TUSC3: variants seen among roughly 807,000 people sequenced by gnomAD.
The protein encoded by TUSC3 is tumor suppressor candidate 3.
Under a neutral mutation model 44.8 loss-of-function variants are expected in TUSC3, and 45 were observed. The ratio of observed to expected loss-of-function variants is 1.00; its 90% CI spans 0.79 to 1.29. TUSC3 has a LOEUF of 1.29. Ranked by LOEUF, TUSC3 falls within the 50% of genes most tolerant of loss-of-function variation. TUSC3 has a pLI of 0.00. For synonymous variants in TUSC3, 212 were observed against 152.9 expected (o/e 1.39, Z -2.85); for missense variants, 519 against 437.9 (o/e 1.19, Z -1.65).
At chr8:15,789,761 G>T in the TUSC3 span, among the ~76,000 whole-genome samples, 2 of 152,102 alleles carry the variant, frequency 1.3e-5, no homozygotes, top group African/African-American at 4.8e-5. Flanking sequence ...TAAGAAACAG[G>T]ACAGATATAG....
Position 15,764,797 on chromosome 8 carries a change from T to C in TUSC3, c.*641T>C, listed in dbSNP as rs1276878908. Reference sequence around the variant, plus strand: ...TCTTGAGATCTAAATCTAAAGTAAATGTGCATTAAAGCAGTGTGCTTCAAA... The same window carrying C: ...TCTTGAGATCTAAATCTAAAGTAAACGTGCATTAAAGCAGTGTGCTTCAAA... On this transcript the variant is annotated 3_prime_UTR_variant, in exon 11 of 11. Transcript: ENST00000503731. The C allele has an allele frequency of 6.6e-6, 1 of 152,520 alleles. No homozygotes were observed. Among genetic ancestry groups the C allele is most frequent in the Non-Finnish European group, 1.5e-5 (1 of 68,316 alleles). The allele number at this position is 152,520 out of a possible 1,614,324, so 9.4% of individuals were successfully genotyped here. A position where few individuals can be genotyped will look rare whatever the true frequency, so the allele number is the denominator to read the frequency against.
the TUSC3 span, among the ~76,000 whole-genome samples, chr8:15,848,669 T>G: frequency 6.6e-6 from 1 of 152,200 alleles, no homozygotes; most frequent in African/African-American, 2.4e-5. Flanking sequence ...CACTGTCCAG[T>G]GACAGTCAAC....
chr8:15,464,670 T>C lies in TUSC3; in HGVS notation n.92-18716T>C, dbSNP rs529453959. Among the ~76,000 whole-genome samples, 23 of 152,338 alleles carry C rather than the reference T, an allele frequency of 1.5e-4. 1 individual carries two copies. The highest frequency in any genetic ancestry group is 5.3e-4 in the African/African-American group (22 of 41,578). On this transcript the variant is annotated intron_variant and non_coding_transcript_variant, in intron 1 of 5. Transcript: ENST00000503191. Reference sequence around the variant, plus strand: ...TTTTTCAGTTGGAGATATGGGACTTTAATTTTTAACCAAAATGTATGATAC... The same window carrying C: ...TTTTTCAGTTGGAGATATGGGACTTCAATTTTTAACCAAAATGTATGATAC...
chr8:15,850,135 G>A, the TUSC3 span, among the ~76,000 whole-genome samples: 36 of 140,406 alleles, frequency 2.6e-4, no homozygotes, highest in Middle Eastern at 3.7e-3. Flanking sequence ...GCCATAGCTT[G>A]TTTTTCAAAC....
chr8:15,622,994 AAAT>A (rs1805320469), intron 1 of TUSC3, 83 bp from the exon 2 acceptor site: 1 of 1,376,974 alleles, frequency 7.3e-7, no homozygotes, highest in African/African-American at 1.5e-5. Context: ...AGGAAAAAGA[AAAT>A]AAAACATTTT....
At chr8:15,836,360 C>T in the TUSC3 span, among the ~76,000 whole-genome samples, 1 of 151,344 alleles carries the variant, frequency 6.6e-6, no homozygotes, top group African/African-American at 2.4e-5. Context: ...TGCCTGTAAT[C>T]CCAGCTACTC....
At chr8:15,716,462 A>G (rs1810063875) in intron 6 of TUSC3, among the ~76,000 whole-genome samples, 1 of 152,104 alleles carries the variant, frequency 6.6e-6, no homozygotes, top group Non-Finnish European at 1.5e-5. Flanking sequence ...ATAAAGAAAA[A>G]GAGTTGTGAA....
At chr8:15,809,107 G>T in the TUSC3 span, among the ~76,000 whole-genome samples, 1 of 152,052 alleles carries the variant, frequency 6.6e-6, no homozygotes, top group African/African-American at 2.4e-5. Context: ...TCATGCTAAA[G>T]TACCATCTTA....
chr8:15,608,127 T>C (rs12334704), intron 1 of TUSC3, among the ~76,000 whole-genome samples: 3,172 of 152,262 alleles, frequency 0.021, 105 homozygotes, highest in African/African-American at 0.071. Context: ...CACATTTGGC[T>C]TTTACCATAG....
intron 1 of TUSC3, among the ~76,000 whole-genome samples, chr8:15,437,600 A>G (rs1369417151): frequency 6.6e-6 from 1 of 152,242 alleles, no homozygotes; most frequent in Non-Finnish European, 1.5e-5. Flanking sequence ...TAAGACAATC[A>G]TCTCCTATTA....
intron 2 of TUSC3, among the ~76,000 whole-genome samples, chr8:15,500,990 G>T (rs58764211): frequency 9.2e-5 from 14 of 151,944 alleles, no homozygotes; most frequent in Non-Finnish European, 1.5e-4. Context: ...AACTCTTTCT[G>T]TATAGCTATA....
rs748401651 is a variant in TUSC3 at position 15,748,438 on chromosome 8, G to A, written c.1001G>A (p.Arg334His). 1.9e-6 allele frequency: 3 copies of A among 1,613,066 alleles called. No homozygotes were observed. The highest frequency in any genetic ancestry group is 2.5e-6 in the Non-Finnish European group (3 of 1,179,334). The part of the protein sequence containing the change: ...FFFSFLLSIF[R>H]SKYHGYPYSD... The stretch of plus-strand genomic sequence containing the variant: ...TTCAGTTTTCTACTTTCAATATTTC[G>A]TTCCAAGTACCACGGCTATCCTTAT... Residue 334 changes from arginine to histidine, a missense_variant, in exon 9 of 11, where the codon CGT (arginine) becomes CAT (histidine). By Grantham distance (29) the Arg-to-His change is conservative (BLOSUM62 0). Coordinates refer to ENST00000503731, the MANE Select transcript of TUSC3 (RefSeq NM_006765.4).
At chr8:15,636,140 G>A (rs1015875471) in intron 2 of TUSC3, among the ~76,000 whole-genome samples, 12 of 152,062 alleles carry the variant, frequency 7.9e-5, no homozygotes, top group Non-Finnish European at 1.8e-4. Context: ...AACCACGCCT[G>A]TTTTTGGTAT....
chr8:15,467,058 G>A (rs899500432), intron 1 of TUSC3, among the ~76,000 whole-genome samples: 2 of 152,058 alleles, frequency 1.3e-5, no homozygotes, highest in Non-Finnish European at 2.9e-5. Flanking sequence ...ATCGAGATAA[G>A]TGTACAGTCT....
At position 15,657,266 on chromosome 8, in the gene TUSC3, A is replaced by G. The variant is rs150905737; in HGVS notation, c.427-2241A>G. ...TTTATGTTTTGCTTCCCTTTTAATT[A>G]TAAATTGTGTCTTTAAATCATTTTT... On this transcript the variant is annotated intron_variant, in intron 3 of 10. Transcript: ENST00000503731. 4.3e-3 allele frequency among the ~76,000 whole-genome samples: 653 copies of G among 152,250 alleles called. 8 individuals are homozygous for G. Among genetic ancestry groups the G allele is most frequent in the African/African-American group, 9.4e-3 (389 of 41,548 alleles).
At chr8:15,673,696 A>T (rs1484225208) in intron 5 of TUSC3, 51 bp from the exon 6 acceptor site, 1 of 1,364,688 alleles carries the variant, frequency 7.3e-7, no homozygotes, top group Admixed American at 1.7e-5. Flanking sequence ...GAAATGCATT[A>T]TTCTGGTATT....
chr8:15,475,621 G>C (rs1432615847), intron 1 of TUSC3, among the ~76,000 whole-genome samples: 1 of 152,122 alleles, frequency 6.6e-6, no homozygotes, highest in African/African-American at 2.4e-5. Context: ...GAAAACTGGA[G>C]CTCTAGAATA....
At chr8:15,738,233 A>G (rs1585285849) in intron 7 of TUSC3, among the ~76,000 whole-genome samples, 1 of 152,220 alleles carries the variant, frequency 6.6e-6, no homozygotes, top group African/African-American at 2.4e-5. Context: ...TATATAACCT[A>G]TGTCTAGTAA....
the TUSC3 span, among the ~76,000 whole-genome samples, chr8:15,849,200 G>A: frequency 6.6e-6 from 1 of 152,116 alleles, no homozygotes; most frequent in African/African-American, 2.4e-5. Context: ...TCCACTTCGT[G>A]ACGTATTCCA....
Sources: gnomAD v4.1 joint callset for allele counts (sites outside exome capture counted in the v4.1 genomes callset) on GRCh38, gnomAD v4.1.1 for gene constraint, MANE v1.5 for transcripts, NCBI Gene and HGNC (gene_info 2026-07-23, HGNC 2026-07-21) for gene names.